Variants in OC90 observed in about 807,000 individuals in gnomAD.
OC90 encodes otoconin-90.
In OC90, 46 loss-of-function variants were observed where a neutral mutation model predicts 47.3. The ratio of observed to expected loss-of-function variants is 0.97; its 90% CI spans 0.77 to 1.24. OC90 has a LOEUF of 1.24. OC90 is among the 50% of genes most tolerant of loss of function. The pLI is 0.00. For missense variants in OC90, 688 were observed against 583.9 expected (o/e 1.18, Z -1.84); for synonymous variants, 271 against 219.5 (o/e 1.23, Z -2.07).
chr8:132,050,450 A>T (rs981298462), intron 2 of OC90, among the ~76,000 whole-genome samples: 3 of 152,122 alleles, frequency 2.0e-5, no homozygotes, highest in South Asian at 2.1e-4. Flanking sequence ...CCTACCTCTA[A>T]GTAAGATCCC....
rs577009380 is a variant in OC90, at chr8:132,045,970, A to C, written c.47-87T>G. On this transcript the variant is annotated intron_variant, in intron 2 of 13. Coordinates refer to ENST00000254627, the MANE Select transcript of OC90 (RefSeq NM_001080399.3). ...TAAGGCCAGAAGGCGACAGCCAGAC[A>C]AACAATGGGAATTCACATAAATTCA... 136 of 734,840 alleles carry C rather than the reference A, an allele frequency of 1.9e-4. 1 individual carries two copies. In the African/African-American group the frequency reaches 2.2e-3, roughly 12 times the overall value. The allele number at this position is 734,840 out of a possible 1,614,324, so 45.5% of individuals were successfully genotyped here.
chr8:132,039,214 C>T (rs1363828361), intron 6 of OC90, 91 bp from the exon 7 acceptor site: 2 of 1,407,906 alleles, frequency 1.4e-6, no homozygotes, highest in Non-Finnish European at 2.0e-6. Context: ...CCTCATCTCC[C>T]CTGCCAAAAA....
At chr8:132,047,562 C>A (rs1247385178) in intron 2 of OC90, among the ~76,000 whole-genome samples, 1 of 152,072 alleles carries the variant, frequency 6.6e-6, no homozygotes, top group Non-Finnish European at 1.5e-5. Flanking sequence ...CACATAATAG[C>A]ATGATCCAAA....
intron 11 of OC90, among the ~76,000 whole-genome samples, chr8:132,032,265 C>T (rs1172715367): frequency 1.3e-5 from 2 of 152,154 alleles, no homozygotes; most frequent in African/African-American, 4.8e-5. Context: ...AGTCTTTTCT[C>T]CCTAGGCTTC....
intron 2 of OC90, among the ~76,000 whole-genome samples, chr8:132,046,934 T>C (rs1209566905): frequency 6.6e-6 from 1 of 152,218 alleles, no homozygotes; most frequent in Non-Finnish European, 1.5e-5. Flanking sequence ...CTTCACATTA[T>C]TGACATTTTG....
At chr8:132,027,468 G>T (rs548863421) in intron 13 of OC90, among the ~76,000 whole-genome samples, 1 of 152,196 alleles carries the variant, frequency 6.6e-6, no homozygotes, top group Non-Finnish European at 1.5e-5. Context: ...GGGATGGAAG[G>T]TCCAGCCAGT....
chr8:132,031,314 G>A (rs138674057), intron 12 of OC90, among the ~76,000 whole-genome samples: 15 of 152,316 alleles, frequency 9.8e-5, no homozygotes, highest in Non-Finnish European at 2.1e-4. Context: ...AAAAGCTCAA[G>A]CGGTATGGGT....
chr8:132,043,072 T>A (rs112956055), intron 4 of OC90, among the ~76,000 whole-genome samples: 2 of 152,350 alleles, frequency 1.3e-5, no homozygotes, highest in African/African-American at 4.8e-5. Flanking sequence ...TCTTTATTAT[T>A]TGAGTCACTA....
chr8:132,039,215 C>T (rs1322463926), intron 6 of OC90, 92 bp from the exon 7 acceptor site: 2 of 1,400,954 alleles, frequency 1.4e-6, no homozygotes, highest in East Asian at 2.5e-5. Context: ...CTCATCTCCC[C>T]TGCCAAAAAT....
intron 2 of OC90, among the ~76,000 whole-genome samples, chr8:132,048,642 A>C (rs1823169435): frequency 6.6e-6 from 1 of 151,478 alleles, no homozygotes; most frequent in Admixed American, 6.6e-5. Flanking sequence ...AATAACTATC[A>C]TCAAGGGAAT....
In OC90 at chr8:132,033,182, C is replaced by G. The variant is rs1485273404; in HGVS notation, c.734-18G>C. 6.3e-7 allele frequency: 1 copy of G among 1,599,476 alleles called. No homozygotes were observed. The highest frequency in any genetic ancestry group is 8.5e-7 in the Non-Finnish European group (1 of 1,173,338). The stretch of plus-strand genomic sequence containing the variant: ...TGCAGATCCTGAAAATGAAAAACTT[C>G]ATGATTCGGATTCAAAAAGTGGCTC... On this transcript the variant is annotated intron_variant, in intron 10 of 13. Transcript: ENST00000254627.
intron 2 of OC90, among the ~76,000 whole-genome samples, chr8:132,048,507 T>A (rs1416563032): frequency 6.7e-6 from 1 of 149,862 alleles, no homozygotes; most frequent in Non-Finnish European, 1.5e-5. Flanking sequence ...AAGTCCTGCT[T>A]TTGCCTCTTT....
intron 9 of OC90, 86 bp from the exon 10 acceptor site, chr8:132,034,920 C>T: frequency 1.1e-6 from 1 of 910,440 alleles, no homozygotes. Flanking sequence ...ACCCACTGCA[C>T]ACAGGCAGCC....
chr8:132,033,528 A>G (rs1822908104), intron 10 of OC90, among the ~76,000 whole-genome samples: 1 of 152,198 alleles, frequency 6.6e-6, no homozygotes, highest in Non-Finnish European at 1.5e-5. Context: ...TGATGGAGAA[A>G]TTAAGGCGAC....
chr8:132,041,157 C>T lies in OC90; in HGVS notation c.345-1G>A. 6.2e-7 allele frequency: 1 copy of T among 1,605,944 alleles called. No individual in the cohort carries two copies. The highest frequency in any genetic ancestry group is 8.5e-7 in the Non-Finnish European group (1 of 1,172,634). On this transcript the variant is annotated splice_acceptor_variant, in intron 5 of 13. Transcript: ENST00000254627. LOFTEE classifies it high-confidence loss of function. ...GCACCTGCGGTGCTGGAAGCAGCAG[C>T]TGTAGGAAGGCCGGGAGGAGGCAGG...
At chr8:132,036,387 G>C (rs1218741914) in intron 9 of OC90, 1 of 780,714 alleles carries the variant, frequency 1.3e-6, no homozygotes, top group Non-Finnish European at 2.4e-6. Flanking sequence ...TGGAGAGAGT[G>C]ATCAGTCTGT....
intron 3 of OC90, 123 bp from the exon 4 acceptor site, chr8:132,044,612 G>T (rs546333254): frequency 1.6e-6 from 1 of 639,534 alleles, no homozygotes; most frequent in African/African-American, 1.8e-5. Flanking sequence ...AATTGACCTT[G>T]GGCTAAGCTA....
intron 2 of OC90, among the ~76,000 whole-genome samples, chr8:132,054,040 T>C (rs1586717223): frequency 6.6e-6 from 1 of 152,280 alleles, no homozygotes; most frequent in Admixed American, 6.5e-5. Context: ...AGATTGCTAC[T>C]GGGGCAGCCA....
intron 6 of OC90, among the ~76,000 whole-genome samples, chr8:132,040,441 C>T (rs544337797): frequency 6.6e-6 from 1 of 152,332 alleles, no homozygotes; most frequent in South Asian, 2.1e-4. Flanking sequence ...TATTCTACCT[C>T]TGCCAGGGTT....
Sources: allele counts gnomAD v4.1 joint callset (sites outside exome capture counted in the v4.1 genomes callset), GRCh38; gene constraint gnomAD v4.1.1; transcripts MANE v1.5; gene names NCBI Gene and HGNC (gene_info 2026-07-23, HGNC 2026-07-21).